The following CNOT7 variants were observed in gnomAD, a reference collection of about 807,000 sequenced individuals.
CNOT7 encodes the protein BTG1-binding factor 1.
A neutral mutation model predicts 37.1 loss-of-function variants in CNOT7; 4 were observed. The ratio of observed to expected loss-of-function variants is 0.11; its 90% CI spans 0.05 to 0.25. The LOEUF (loss-of-function observed/expected upper bound fraction) is 0.25. CNOT7 is among the 10% of genes least tolerant of loss of function. CNOT7 has a pLI of 1.00. For missense variants in CNOT7, 170 were observed against 336.2 expected, an observed-to-expected ratio of 0.51 and a Z score of 3.87; for synonymous variants, 128 against 115.6, an observed-to-expected ratio of 1.11 and a Z score of -0.69.
intron 2 of CNOT7, chr8:17,244,203 C>A: frequency 6.4e-6 from 1 of 156,404 alleles, no homozygotes; most frequent in Non-Finnish European, 1.4e-5. Flanking sequence ...CAGATATAGA[C>A]AGTATAATGG....
At chr8:17,232,010 A>G in intron 6 of CNOT7, 6 of 1,009,366 alleles carry the variant, frequency 5.9e-6, no homozygotes, top group Non-Finnish European at 7.1e-6. Flanking sequence ...TTAAACCTTA[A>G]AAGGGGTCAT....
chr8:17,227,652 ATTC>A lies in CNOT7; in HGVS notation c.*3065_*3067del, dbSNP rs962766928. The A allele has an allele frequency of 2.0e-4, 30 of 151,988 alleles. No individual in the cohort carries two copies. The highest frequency in any genetic ancestry group is 6.5e-4 in the African/African-American group (27 of 41,548). 9.4% of individuals were successfully genotyped at this position (151,988 alleles called of 1,614,324 possible). ...TGTGATGTTTCATTTAAATTTTCTA[ATTC>A]TTCTGACTGTTGCTTTCCCACCAGT... On this transcript the variant is annotated 3_prime_UTR_variant, in exon 7 of 7. Transcript: ENST00000361272.
intron 3 of CNOT7, among the ~76,000 whole-genome samples, chr8:17,238,526 T>C (rs73551442): frequency 0.25 from 37,482 of 147,242 alleles, 6,398 homozygotes; most frequent in East Asian, 0.64. Flanking sequence ...TTTTTTTTTT[T>C]CCAGTGAAAC....
chr8:17,234,731 G>C lies in CNOT7; in HGVS notation c.603C>G (p.Ser201Arg). The C allele has an allele frequency of 6.2e-7, 1 of 1,614,060 alleles. No homozygotes were observed. Among genetic ancestry groups the C allele is most frequent in the Non-Finnish European group, 8.5e-7 (1 of 1,179,970 alleles). ...VIYDVKYLMKSCKNLKGGLQE... is the reference protein window; with the variant it reads ...VIYDVKYLMKRCKNLKGGLQE... ...GAAGCCTTACTTTGAGATTTTTGCA[G>C]CTCTTCATGAGGTACTTCACATCAT... The change falls in exon 5 of 7, where the codon AGC becomes AGG. Residue 201 changes from serine to arginine, a missense_variant. By Grantham distance (110) the Ser-to-Arg change is moderately radical. Coordinates refer to ENST00000361272, the MANE Select transcript of CNOT7 (RefSeq NM_013354.7).
chr8:17,233,530 TAAC>T (rs922189272), intron 5 of CNOT7, among the ~76,000 whole-genome samples: 1 of 152,122 alleles, frequency 6.6e-6, no homozygotes, highest in Non-Finnish European at 1.5e-5. Flanking sequence ...AACTTCCCAG[TAAC>T]AACCACATGA....
Position 17,228,646 on chromosome 8 carries a change from T to A in CNOT7, c.*2074A>T, listed in dbSNP as rs558756151. 31 of 152,026 alleles carry A rather than the reference T, an allele frequency of 2.0e-4. No individual in the cohort carries two copies. Among genetic ancestry groups the A allele is most frequent in the African/African-American group, 7.5e-4 (31 of 41,550 alleles). The allele number at this position is 152,026 out of a possible 1,614,324, so 9.4% of individuals were successfully genotyped here. A position where few individuals can be genotyped will look rare whatever the true frequency, so the allele number is the denominator to read the frequency against. On this transcript the variant is annotated 3_prime_UTR_variant, in exon 7 of 7. Transcript: ENST00000361272. ...ACCTCTCAATACACCCACTGTAAAG[T>A]TGAAAAATCATTAAGTCGAAAGTAA... is the stretch of plus-strand genomic sequence containing the variant.
rs1808429742 is a variant in CNOT7 at position 17,230,034 on chromosome 8, CA to C, written c.*685del. The C allele has an allele frequency of 6.6e-6, 1 of 152,368 alleles. No homozygotes were observed. Among genetic ancestry groups the C allele is most frequent in the Non-Finnish European group, 1.5e-5 (1 of 67,874 alleles). 9.4% of individuals were successfully genotyped at this position (152,368 alleles called of 1,614,324 possible). A position where few individuals can be genotyped will look rare whatever the true frequency, so the allele number is the denominator to read the frequency against. On this transcript the variant is annotated 3_prime_UTR_variant, in exon 7 of 7. Transcript: ENST00000361272. ...TTCTTCAGTCACAGAGCAGCCTACA[CA>C]TGCCAATTAGAAACTGACAGACACT...
chr8:17,241,444 C>T (rs962897903), intron 3 of CNOT7: 1 of 152,124 alleles, frequency 6.6e-6, no homozygotes, highest in Non-Finnish European at 1.5e-5. Context: ...ACAAGCCACA[C>T]TACTATACCA....
intron 3 of CNOT7, among the ~76,000 whole-genome samples, chr8:17,240,747 T>A (rs576187438): frequency 6.6e-6 from 1 of 152,318 alleles, no homozygotes; most frequent in Admixed American, 6.5e-5. Flanking sequence ...CTAATTTTAA[T>A]AAAGGTTTAT....
intron 6 of CNOT7, chr8:17,231,684 A>G (rs926467979): frequency 2.0e-6 from 2 of 985,378 alleles, no homozygotes; most frequent in South Asian, 9.4e-5. Flanking sequence ...TTGCACAACC[A>G]ATTTTCCTGT....
chr8:17,237,942 A>G (rs1809604525), intron 3 of CNOT7, among the ~76,000 whole-genome samples: 1 of 152,266 alleles, frequency 6.6e-6, no homozygotes, highest in Admixed American at 6.5e-5. Flanking sequence ...GCAACACTGT[A>G]TAAAGGACTG....
At chr8:17,242,792 A>G (rs1810365711) in intron 3 of CNOT7, 200 bp downstream of exon 3, 1 of 407,842 alleles carries the variant, frequency 2.5e-6, no homozygotes, top group East Asian at 3.9e-5. Context: ...TATTTTAAAT[A>G]TAACATCTTT....
chr8:17,237,716 G>A (rs1161542995), intron 3 of CNOT7: 3 of 193,682 alleles, frequency 1.5e-5, no homozygotes, highest in Non-Finnish European at 3.2e-5. Flanking sequence ...TGACAGACAA[G>A]TTTTTTCAGA....
chr8:17,240,582 T>C (rs895221725), intron 3 of CNOT7, among the ~76,000 whole-genome samples: 1 of 152,126 alleles, frequency 6.6e-6, no homozygotes, highest in African/African-American at 2.4e-5. Flanking sequence ...ACAAAGGTGT[T>C]TCTAGAAAAG....
At chr8:17,242,846 C>A in intron 3 of CNOT7, 146 bp downstream of exon 3, 2 of 472,054 alleles carry the variant, frequency 4.2e-6, no homozygotes, top group Non-Finnish European at 7.5e-6. Flanking sequence ...AAAAGAAAAC[C>A]ACGCTTTTGA....
At chr8:17,232,277 T>C in intron 6 of CNOT7, 150 bp downstream of exon 6, 2 of 1,482,004 alleles carry the variant, frequency 1.3e-6, no homozygotes, top group Non-Finnish European at 1.8e-6. Context: ...TATTTTTGAA[T>C]ACTTTTAAGT....
chr8:17,239,980 A>C (rs1252687977), intron 3 of CNOT7, among the ~76,000 whole-genome samples: 1 of 152,208 alleles, frequency 6.6e-6, no homozygotes. Flanking sequence ...TAGGCAATAG[A>C]GAGAAAACAG....
Position 17,228,646 on chromosome 8 carries a change from T to G in CNOT7, c.*2074A>C, listed in dbSNP as rs558756151. On this transcript the variant is annotated 3_prime_UTR_variant, in exon 7 of 7. Transcript: ENST00000361272. ...ACCTCTCAATACACCCACTGTAAAG[T>G]TGAAAAATCATTAAGTCGAAAGTAA... 1 of 151,908 alleles carries G rather than the reference T, an allele frequency of 6.6e-6. No homozygotes were observed. Among genetic ancestry groups the G allele is most frequent in the Non-Finnish European group, 1.5e-5 (1 of 67,834 alleles). The allele number at this position is 151,908 out of a possible 1,614,324, so 9.4% of individuals were successfully genotyped here.
At chr8:17,243,613 C>T (rs1810489350) in intron 2 of CNOT7, 3 of 457,394 alleles carry the variant, frequency 6.6e-6, no homozygotes, top group Non-Finnish European at 1.3e-5. Flanking sequence ...TTTTTCTCAA[C>T]ACCAAAACCC....
Sources: gnomAD v4.1 joint callset for allele counts (sites outside exome capture counted in the v4.1 genomes callset) on GRCh38, gnomAD v4.1.1 for gene constraint, MANE v1.5 for transcripts, NCBI Gene and HGNC (gene_info 2026-07-23, HGNC 2026-07-21) for gene names.